EPHA4: variants seen among roughly 807,000 people sequenced by gnomAD.
EPHA4 encodes the protein EPH receptor A4.
In EPHA4, 19 loss-of-function variants were observed where a neutral mutation model predicts 108.3. The observed-to-expected ratio is 0.18, with a 90% CI of 0.12 to 0.26. EPHA4 has a LOEUF of 0.26. Among genes scored for constraint, EPHA4 ranks in the 10% least tolerant of loss-of-function variants. The pLI is 1.00. For synonymous variants in EPHA4, 449 were observed against 455.5 expected (o/e 0.99, Z 0.18); for missense variants, 917 against 1,254.0 (o/e 0.73, Z 4.06).
At chr2:221,453,849 G>A (rs888056698) in intron 8 of EPHA4, among the ~76,000 whole-genome samples, 1 of 152,106 alleles carries the variant, frequency 6.6e-6, no homozygotes, top group Non-Finnish European at 1.5e-5. Context: ...TGTATACCAG[G>A]ACACTTTAGA....
chr2:221,555,005 G>A (rs887118099), intron 3 of EPHA4, among the ~76,000 whole-genome samples: 1 of 152,134 alleles, frequency 6.6e-6, no homozygotes, highest in African/African-American at 2.4e-5. Flanking sequence ...TCCCACCTCA[G>A]AAAGAACAGC....
chr2:221,562,641 TCTAA>T (rs1373720731), intron 3 of EPHA4, among the ~76,000 whole-genome samples: 8 of 152,200 alleles, frequency 5.3e-5, no homozygotes, highest in East Asian at 1.9e-4. Flanking sequence ...AGAATTACAT[TCTAA>T]CTATTTTGTA....
At chr2:221,491,799 G>T (rs954300300) in intron 4 of EPHA4, among the ~76,000 whole-genome samples, 2 of 152,016 alleles carry the variant, frequency 1.3e-5, no homozygotes, top group Non-Finnish European at 2.9e-5. Flanking sequence ...GGAATAGGGC[G>T]AGGGGCAATT....
intron 3 of EPHA4, among the ~76,000 whole-genome samples, chr2:221,505,811 C>T (rs1260261301): frequency 1.3e-5 from 2 of 152,130 alleles, no homozygotes; most frequent in Non-Finnish European, 2.9e-5. Context: ...GTATCACAAT[C>T]CCCCAAGGAC....
At chr2:221,529,151 A>G (rs1030336731) in intron 3 of EPHA4, among the ~76,000 whole-genome samples, 6 of 152,170 alleles carry the variant, frequency 3.9e-5, no homozygotes, top group African/African-American at 1.4e-4. Context: ...TAAATTTTCT[A>G]TAATTTACAT....
intron 8 of EPHA4, among the ~76,000 whole-genome samples, chr2:221,449,124 G>A (rs1306450434): frequency 6.6e-6 from 1 of 151,826 alleles, no homozygotes; most frequent in Non-Finnish European, 1.5e-5. Context: ...GCAGGAAATG[G>A]CTGAAAAAAA....
At chr2:221,548,350 G>A (rs1429621793) in intron 3 of EPHA4, among the ~76,000 whole-genome samples, 1 of 151,446 alleles carries the variant, frequency 6.6e-6, no homozygotes, top group African/African-American at 2.4e-5. Context: ...GCGACAGAGC[G>A]AGAGTCCGTC....
rs1311559011 is a variant in EPHA4, at chr2:221,568,781, G to A, written c.96C>T (p.Thr32=). ...GSRVYPANEV[T]LLDSRSVQGE... is the part of the protein sequence containing the mutation. The stretch of plus-strand genomic sequence containing the variant: ...CCTGAACAGATCTGGAATCCAATAA[G>A]GTAACTGCAAAAAACAAAAGAAAAA... The change falls in exon 2 of 18, where the codon ACC becomes ACT. Residue 32 remains threonine (T), a synonymous_variant. Transcript: ENST00000281821. 1.9e-6 allele frequency: 3 copies of A among 1,612,316 alleles called. No individual in the cohort carries two copies. Among genetic ancestry groups the A allele is most frequent in the Middle Eastern group, 1.7e-4 (1 of 6,060 alleles).
intron 3 of EPHA4, among the ~76,000 whole-genome samples, chr2:221,544,047 C>T (rs1397656643): frequency 6.6e-6 from 1 of 152,082 alleles, no homozygotes; most frequent in Non-Finnish European, 1.5e-5. Context: ...GACTAGCTAG[C>T]TCTCTGGGGT....
intron 4 of EPHA4, among the ~76,000 whole-genome samples, chr2:221,491,817 T>C (rs1692152447): frequency 6.6e-6 from 1 of 152,110 alleles, no homozygotes; most frequent in Admixed American, 6.6e-5. Flanking sequence ...ATTATATCTC[T>C]ATAGCAGAAT....
Position 221,563,725 on chromosome 2 carries a change from T to C in EPHA4, c.823+6A>G. ...AGTGAAAAAACTGCAATATGGACCC[T>C]CTTACCTTGGCATTCTCCGCTCCGC... On this transcript the variant is annotated splice_donor_region_variant and intron_variant, in intron 3 of 17. Coordinates refer to ENST00000281821, the MANE Select transcript of EPHA4 (RefSeq NM_004438.5). 1 of 1,613,368 alleles carries C rather than the reference T, an allele frequency of 6.2e-7. No individual in the cohort carries two copies. The highest frequency in any genetic ancestry group is 8.5e-7 in the Non-Finnish European group (1 of 1,179,518).
intron 3 of EPHA4, among the ~76,000 whole-genome samples, chr2:221,502,846 C>A (rs1274483194): frequency 6.6e-6 from 1 of 152,228 alleles, no homozygotes; most frequent in Non-Finnish European, 1.5e-5. Context: ...GGAGATCAAT[C>A]TCTCCCTTAT....
chr2:221,537,997 T>C (rs796647226), intron 3 of EPHA4, among the ~76,000 whole-genome samples: 3 of 151,672 alleles, frequency 2.0e-5, no homozygotes, highest in African/African-American at 7.2e-5. Flanking sequence ...ATTTGTTTGC[T>C]AAAAAAAAAG....
chr2:221,442,814 G>T lies in EPHA4; in HGVS notation c.2074+15C>A, dbSNP rs2288628. 0.24 allele frequency: 383,080 copies of T among 1,612,250 alleles called. 47,225 individuals are homozygous for T. Among genetic ancestry groups the T allele is most frequent in the African/African-American group, 0.31 (23,517 of 74,866 alleles). ...AACTTCTAGCTTGGCTTTGTAAAGG[G>T]GGTGACCCACGTACATTTAGTGACC... On this transcript the variant is annotated intron_variant, in intron 11 of 17. Transcript: ENST00000281821.
At chr2:221,455,817 G>A (rs758568081) in intron 7 of EPHA4, among the ~76,000 whole-genome samples, 159 bp from the exon 8 acceptor site, 3 of 152,018 alleles carry the variant, frequency 2.0e-5, no homozygotes, top group Non-Finnish European at 2.9e-5. Flanking sequence ...CTCCTTCCCC[G>A]AGAGCTATCA....
chr2:221,539,976 A>G (rs1693784702), intron 3 of EPHA4, among the ~76,000 whole-genome samples: 1 of 151,910 alleles, frequency 6.6e-6, no homozygotes, highest in Non-Finnish European at 1.5e-5. Context: ...GGAGTGCAAT[A>G]TACCACGATC....
Position 221,437,141 on chromosome 2 carries a change from A to T in EPHA4, c.2075-19T>A, listed in dbSNP as rs746358535. 1 of 1,595,502 alleles carries T rather than the reference A, an allele frequency of 6.3e-7. No individual in the cohort carries two copies. The highest frequency in any genetic ancestry group is 8.6e-7 in the Non-Finnish European group (1 of 1,164,522). ...GGTTTACCTAGAGTTTTCAGAAAGA[A>T]AAACACAAACCTTTGATGAGCGCTG... On this transcript the variant is annotated intron_variant, in intron 11 of 17. Transcript: ENST00000281821.
rs1312878658 is a variant in EPHA4, at chr2:221,437,128, G to A, written c.2075-6C>T. On this transcript the variant is annotated splice_polypyrimidine_tract_variant and splice_region_variant and intron_variant, in intron 11 of 17. Coordinates refer to ENST00000281821, the MANE Select transcript of EPHA4 (RefSeq NM_004438.5). ...TATGATCATTACTGGTTTACCTAGA[G>A]TTTTCAGAAAGAAAAACACAAACCT... 6.2e-7 allele frequency: 1 copy of A among 1,609,630 alleles called. No individual in the cohort carries two copies.
intron 3 of EPHA4, among the ~76,000 whole-genome samples, chr2:221,526,766 G>A (rs1235646976): frequency 6.8e-6 from 1 of 147,054 alleles, no homozygotes; most frequent in Non-Finnish European, 1.5e-5. Context: ...AGAATTGCTC[G>A]AACCCGGGAG....
Sources: allele counts gnomAD v4.1 joint callset (sites outside exome capture counted in the v4.1 genomes callset), GRCh38; gene constraint gnomAD v4.1.1; transcripts MANE v1.5; gene names NCBI Gene and HGNC (gene_info 2026-07-23, HGNC 2026-07-21).